The following PKP2 variants were observed in gnomAD, a reference collection of about 807,000 sequenced individuals.
The protein encoded by PKP2 is plakophilin-2.
In PKP2, 73 loss-of-function variants were observed where a neutral mutation model predicts 83.4. That is an observed-to-expected ratio of 0.88 (90% CI 0.72 to 1.06). The LOEUF is 1.06. Among genes scored for constraint, PKP2 ranks in the 50% least tolerant of loss-of-function variants. The pLI, the probability that PKP2 is intolerant of heterozygous loss-of-function variation, is 0.00. For missense variants in PKP2, 966 were observed against 1,065.4 expected, an observed-to-expected ratio of 0.91 and a Z score of 1.30; for synonymous variants, 409 against 430.4, an observed-to-expected ratio of 0.95 and a Z score of 0.62.
intron 9 of PKP2, among the ~76,000 whole-genome samples, chr12:32,820,726 T>C (rs889773919): frequency 6.6e-5 from 10 of 152,198 alleles, no homozygotes; most frequent in Non-Finnish European, 1.5e-4. Flanking sequence ...GCCCTGGAAG[T>C]GCACATCTGG....
intron 1 of PKP2, 93 bp downstream of exon 1, chr12:32,896,416 C>A: frequency 1.0e-6 from 1 of 994,278 alleles, no homozygotes; most frequent in Non-Finnish European, 1.4e-6. Flanking sequence ...CACGGGGTCC[C>A]GCACTCCCAG....
chr12:32,849,150 G>A (rs1050979710), intron 5 of PKP2, among the ~76,000 whole-genome samples: 8 of 151,722 alleles, frequency 5.3e-5, no homozygotes, highest in South Asian at 2.1e-4. Context: ...TACGTATATC[G>A]CTGAGACATT....
chr12:32,819,765 C>G (rs2137767601), intron 9 of PKP2, among the ~76,000 whole-genome samples: 1 of 152,202 alleles, frequency 6.6e-6, no homozygotes, highest in East Asian at 1.9e-4. Flanking sequence ...CACCCCTGGT[C>G]TGGATTCTGT....
chr12:32,850,307 A>G (rs1374120032), intron 5 of PKP2, among the ~76,000 whole-genome samples: 1 of 152,174 alleles, frequency 6.6e-6, no homozygotes, highest in African/African-American at 2.4e-5. Context: ...TAATCCCAGC[A>G]CTTTGGGAGG....
At chr12:32,845,194 C>T (rs1054003420) in intron 5 of PKP2, among the ~76,000 whole-genome samples, 2 of 152,078 alleles carry the variant, frequency 1.3e-5, no homozygotes, top group African/African-American at 4.8e-5. Context: ...TACTGCCAAC[C>T]GTGATGTTTG....
At chr12:32,806,979 G>A (rs1956231477) in intron 9 of PKP2, among the ~76,000 whole-genome samples, 1 of 152,142 alleles carries the variant, frequency 6.6e-6, no homozygotes, top group African/African-American at 2.4e-5. Flanking sequence ...AGTAATTCAG[G>A]AGCAGGCTGT....
At chr12:32,801,990 T>C (rs1956184518) in intron 10 of PKP2, among the ~76,000 whole-genome samples, 1 of 152,178 alleles carries the variant, frequency 6.6e-6, no homozygotes, top group South Asian at 2.1e-4. Context: ...CACCACTATA[T>C]GTGTTTTTCA....
chr12:32,862,007 C>T (rs1394629927), intron 4 of PKP2, among the ~76,000 whole-genome samples: 1 of 152,148 alleles, frequency 6.6e-6, no homozygotes, highest in Non-Finnish European at 1.5e-5. Context: ...AAGCAATTCT[C>T]CTGCCTCAGC....
intron 6 of PKP2, 64 bp from the exon 7 acceptor site, chr12:32,824,226 T>C: frequency 8.7e-7 from 1 of 1,147,310 alleles, no homozygotes; most frequent in Non-Finnish European, 1.3e-6. Flanking sequence ...GTCTTTGTTT[T>C]GAAGTTTTAC....
intron 9 of PKP2, among the ~76,000 whole-genome samples, chr12:32,805,382 C>T (rs530892083): frequency 1.3e-5 from 2 of 152,218 alleles, no homozygotes; most frequent in African/African-American, 2.4e-5. Flanking sequence ...TTTGCCAGTG[C>T]CTATGTCCTG....
chr12:32,831,295 C>A (rs2137804746), intron 6 of PKP2, among the ~76,000 whole-genome samples: 1 of 152,196 alleles, frequency 6.6e-6, no homozygotes, highest in East Asian at 1.9e-4. Flanking sequence ...GTTGCTTTAT[C>A]CTGATGTATC....
rs1369618463 is a variant in PKP2 at position 32,878,245 on chromosome 12, C to T, written c.635G>A (p.Arg212His). 8 of 1,614,026 alleles carry T rather than the reference C, an allele frequency of 5.0e-6. No homozygotes were observed. The highest frequency in any genetic ancestry group is 3.3e-5 in the South Asian group (3 of 91,076). Reference protein sequence around the residue: ...VSRAGTTSRQRHFDTYHRQYQ... With the variant: ...VSRAGTTSRQHHFDTYHRQYQ... ...CTGTCTGTGGTATGTGTCAAAGTGGCGCTGCCTGCTTGTGGTGCCAGCACG... is the reference window on the plus strand; with the variant it reads ...CTGTCTGTGGTATGTGTCAAAGTGGTGCTGCCTGCTTGTGGTGCCAGCACG... Residue 212 changes from arginine (R) to histidine (H), a missense_variant, in exon 3 of 13, where the codon CGC (arginine) becomes CAC (histidine). Coordinates refer to ENST00000340811, the MANE Select transcript of PKP2 (RefSeq NM_001005242.3).
intron 4 of PKP2, among the ~76,000 whole-genome samples, chr12:32,852,900 A>G (rs1269593845): frequency 6.6e-6 from 1 of 152,102 alleles, no homozygotes; most frequent in African/African-American, 2.4e-5. Flanking sequence ...TGGCCAACAT[A>G]GTGAAACCCC....
chr12:32,802,520 C>A lies in PKP2; in HGVS notation c.2050G>T (p.Glu684Ter). 6.2e-7 allele frequency: 1 copy of A among 1,614,182 alleles called. No homozygotes were observed. Among genetic ancestry groups the A allele is most frequent in the Non-Finnish European group, 8.5e-7 (1 of 1,180,010 alleles). ...TTTCGGGTGTGCTGCAGGCCACTTT[C>A]CTTCTGGACAACTGTCTGAGCCACT... ...TSVAQTVVQK[E>*]SGLQHTRKML... The change falls in exon 10 of 13, where the codon GAA (glutamate) becomes TAA (stop). Residue 684 changes from glutamate (E) to a stop codon, truncating the protein, a stop_gained. Transcript: ENST00000340811. LOFTEE classifies it high-confidence loss of function.
intron 4 of PKP2, among the ~76,000 whole-genome samples, chr12:32,851,227 T>C (rs577786024): frequency 7.2e-5 from 11 of 152,102 alleles, no homozygotes; most frequent in Non-Finnish European, 1.5e-4. Flanking sequence ...GATTAAGTGA[T>C]AAAGGGTGCA....
chr12:32,804,483 G>A (rs1251871230), intron 9 of PKP2, among the ~76,000 whole-genome samples: 2 of 152,138 alleles, frequency 1.3e-5, no homozygotes, highest in African/African-American at 2.4e-5. Flanking sequence ...CCCAGTGTGT[G>A]TAGTTCCCCA....
At chr12:32,821,212 G>T in intron 9 of PKP2, 144 bp downstream of exon 9, 1 of 770,894 alleles carries the variant, frequency 1.3e-6, no homozygotes, top group Non-Finnish European at 2.2e-6. Context: ...AGCTGAGACC[G>T]AAGCCCTCTG....
chr12:32,820,562 T>A (rs948885119), intron 9 of PKP2: 1 of 152,226 alleles, frequency 6.6e-6, no homozygotes, highest in Non-Finnish European at 1.5e-5. Context: ...TCCAACTCCA[T>A]ACTGCAGTAG....
At chr12:32,803,403 C>T (rs1956200212) in intron 9 of PKP2, among the ~76,000 whole-genome samples, 1 of 152,092 alleles carries the variant, frequency 6.6e-6, no homozygotes, top group Non-Finnish European at 1.5e-5. Flanking sequence ...AAATGCAATG[C>T]AATGTTGGAT....
Sources: gnomAD v4.1 joint callset for allele counts (sites outside exome capture counted in the v4.1 genomes callset) on GRCh38, gnomAD v4.1.1 for gene constraint, MANE v1.5 for transcripts, NCBI Gene and HGNC (gene_info 2026-07-23, HGNC 2026-07-21) for gene names.